The following HERC4 variants were observed in gnomAD, a reference collection of about 807,000 sequenced individuals.
HERC4 encodes HECT and RLD domain containing E3 ubiquitin protein ligase 4.
A neutral mutation model predicts 124.3 loss-of-function variants in HERC4; 28 were observed. That is an observed-to-expected ratio of 0.23 (90% confidence interval 0.17 to 0.31). The LOEUF is 0.31. HERC4 is among the 10% of genes least tolerant of loss of function. The pLI is 1.00. For synonymous variants in HERC4, 407 were observed against 421.5 expected (o/e 0.97, Z 0.42); for missense variants, 713 against 1,229.3 (o/e 0.58, Z 6.28).
intron 22 of HERC4, among the ~76,000 whole-genome samples, 179 bp downstream of exon 22, chr10:67,935,974 C>G (rs902430650): frequency 6.6e-6 from 1 of 152,178 alleles, no homozygotes; most frequent in African/African-American, 2.4e-5. Context: ...TCTCCCTTCT[C>G]TTTGTTTTAA....
Position 68,065,673 on chromosome 10 carries a change from A to C in HERC4, c.226+7210T>G, listed in dbSNP as rs142523834. ...GGATCACTTCGAGACCAGCTTGGGC[A>C]AAAGAGTGGAACCCTGTCTCTATAA... On this transcript the variant is annotated intron_variant, in intron 3 of 24. Transcript: ENST00000373700. Among the ~76,000 whole-genome samples the C allele has an allele frequency of 4.9e-3, 739 of 152,226 alleles. 7 individuals are homozygous for C. The highest frequency in any genetic ancestry group is 0.017 in the African/African-American group (713 of 41,504).
intron 8 of HERC4, among the ~76,000 whole-genome samples, chr10:68,016,675 C>G (rs2038290308): frequency 6.6e-6 from 1 of 152,138 alleles, no homozygotes; most frequent in Non-Finnish European, 1.5e-5. Context: ...ATAGTACTGA[C>G]TACCTGGAAG....
intron 7 of HERC4, among the ~76,000 whole-genome samples, chr10:68,030,698 G>C (rs1321755326): frequency 6.6e-6 from 1 of 152,098 alleles, no homozygotes; most frequent in Non-Finnish European, 1.5e-5. Context: ...CACAGTAAAT[G>C]GTCTTGTGCA....
chr10:68,050,912 T>C (rs1004371491), intron 3 of HERC4, among the ~76,000 whole-genome samples: 1 of 152,048 alleles, frequency 6.6e-6, no homozygotes, highest in Non-Finnish European at 1.5e-5. Context: ...CCCAGTAATG[T>C]TCCGTGTAAG....
intron 7 of HERC4, among the ~76,000 whole-genome samples, chr10:68,030,596 T>C (rs1452791408): frequency 6.6e-6 from 1 of 152,256 alleles, no homozygotes; most frequent in Non-Finnish European, 1.5e-5. Flanking sequence ...CATTCTGTTT[T>C]ACACTTCACT....
Position 68,001,470 on chromosome 10 carries a change from C to G in HERC4, c.1070-8788G>C, listed in dbSNP as rs149368934. ...TCATGCTGGGGGCCATGGGTTTAACCTCTGGATGGGCTAGAATTGGTAAAT... is the reference window on the plus strand; with the variant it reads ...TCATGCTGGGGGCCATGGGTTTAACGTCTGGATGGGCTAGAATTGGTAAAT... On this transcript the variant is annotated intron_variant, in intron 9 of 24. Transcript: ENST00000373700. Among the ~76,000 whole-genome samples the G allele has an allele frequency of 3.1e-3, 473 of 152,120 alleles. 3 individuals carry two copies. Among genetic ancestry groups the G allele is most frequent in the African/African-American group, 0.011 (459 of 41,482 alleles).
chr10:68,015,144 A>T (rs2038186943), intron 8 of HERC4, among the ~76,000 whole-genome samples: 1 of 150,990 alleles, frequency 6.6e-6, no homozygotes, highest in Non-Finnish European at 1.5e-5. Flanking sequence ...CTCAGTTCCG[A>T]GCCTTTGCCT....
intron 4 of HERC4, among the ~76,000 whole-genome samples, chr10:68,038,742 C>T (rs1263347449): frequency 6.6e-6 from 1 of 152,128 alleles, no homozygotes; most frequent in African/African-American, 2.4e-5. Flanking sequence ...AGGAAATTTA[C>T]TCAATTCACA....
intron 5 of HERC4, among the ~76,000 whole-genome samples, chr10:68,035,392 G>C (rs1019134582): frequency 2.0e-5 from 3 of 152,142 alleles, no homozygotes; most frequent in African/African-American, 7.2e-5. Flanking sequence ...TCCTGACCTA[G>C]TGATCTGCCC....
At chr10:68,064,627 G>A (rs1564616203) in intron 3 of HERC4, among the ~76,000 whole-genome samples, 1 of 150,402 alleles carries the variant, frequency 6.6e-6, no homozygotes, top group African/African-American at 2.4e-5. Flanking sequence ...AAACTAAATT[G>A]ATATATATAT....
chr10:67,988,963 A>G (rs1051418107), intron 14 of HERC4, 128 bp from the exon 15 acceptor site: 22 of 675,292 alleles, frequency 3.3e-5, no homozygotes, highest in Non-Finnish European at 4.9e-5. Context: ...AGATGCATAT[A>G]ACACAATATC....
chr10:67,957,087 G>T, intron 16 of HERC4, 111 bp from the exon 17 acceptor site: 1 of 565,582 alleles, frequency 1.8e-6, no homozygotes, highest in South Asian at 3.3e-5. Context: ...CACTCATGTG[G>T]TTCTGGAATT....
intron 3 of HERC4, among the ~76,000 whole-genome samples, chr10:68,053,310 C>T (rs1564599255): frequency 7.0e-6 from 1 of 143,696 alleles, no homozygotes; most frequent in Non-Finnish European, 1.5e-5. Context: ...AAGCACTACA[C>T]TTTTTTTTTT....
chr10:67,971,230 AC>A (rs2035213488), intron 15 of HERC4, among the ~76,000 whole-genome samples: 1 of 152,146 alleles, frequency 6.6e-6, no homozygotes, highest in Non-Finnish European at 1.5e-5. Flanking sequence ...AAGAAATAAT[AC>A]CAATCTTAAT....
chr10:68,063,057 C>G (rs1489063754), intron 3 of HERC4, among the ~76,000 whole-genome samples: 1 of 152,118 alleles, frequency 6.6e-6, no homozygotes, highest in Non-Finnish European at 1.5e-5. Flanking sequence ...TATACTATCT[C>G]TACACAGCAC....
intron 9 of HERC4, among the ~76,000 whole-genome samples, chr10:67,999,614 A>G (rs1269298797): frequency 6.6e-6 from 1 of 152,228 alleles, no homozygotes; most frequent in African/African-American, 2.4e-5. Flanking sequence ...TTAGGTGAGA[A>G]ACAGACATTT....
intron 9 of HERC4, among the ~76,000 whole-genome samples, chr10:68,000,274 G>C (rs1054212614): frequency 1.3e-5 from 2 of 152,038 alleles, no homozygotes; most frequent in African/African-American, 4.8e-5. Flanking sequence ...ATTGAACTGG[G>C]TCTCCTAAAA....
chr10:68,061,028 T>TAGCCTCACCTCTTTC (rs1018398578), intron 3 of HERC4, among the ~76,000 whole-genome samples: 4 of 152,170 alleles, frequency 2.6e-5, no homozygotes, highest in African/African-American at 9.7e-5. Context: ...GGACCGCTTT[T>TAGCCTCACCTCTTTC]AGCCTCACCT....
chr10:68,029,466 T>A (rs1589369051), intron 7 of HERC4, among the ~76,000 whole-genome samples: 2 of 151,708 alleles, frequency 1.3e-5, no homozygotes, highest in East Asian at 3.9e-4. Context: ...TACTCCAGAC[T>A]GGGTGACAGA....
Sources: allele counts gnomAD v4.1 joint callset (sites outside exome capture counted in the v4.1 genomes callset), GRCh38; gene constraint gnomAD v4.1.1; transcripts MANE v1.5; gene names NCBI Gene and HGNC (gene_info 2026-07-23, HGNC 2026-07-21).